The following SYNJ2BP variants were observed in gnomAD, a reference collection of about 807,000 sequenced individuals.
SYNJ2BP encodes synaptojanin-2-binding protein.
In SYNJ2BP, 10 loss-of-function variants were observed where a neutral mutation model predicts 16.9. The ratio of observed to expected loss-of-function variants is 0.59; its 90% CI spans 0.36 to 1.00. The LOEUF (loss-of-function observed/expected upper bound fraction) is 1.00. Among genes scored for constraint, SYNJ2BP ranks in the 50% least tolerant of loss-of-function variants. SYNJ2BP has a pLI of 0.01. For missense variants in SYNJ2BP, 162 were observed against 186.7 expected (o/e 0.87, Z 0.77); for synonymous variants, 54 against 68.4 (o/e 0.79, Z 1.04).
chr14:70,404,408 GT>G (rs1410988331), intron 1 of SYNJ2BP, among the ~76,000 whole-genome samples: 2 of 152,074 alleles, frequency 1.3e-5, no homozygotes, highest in Non-Finnish European at 2.9e-5. Context: ...GTATAAGCAA[GT>G]TTTTCATAAT....
At chr14:70,389,760 A>G (rs1026704122) in intron 1 of SYNJ2BP, among the ~76,000 whole-genome samples, 8 of 152,232 alleles carry the variant, frequency 5.3e-5, no homozygotes, top group African/African-American at 1.4e-4. Flanking sequence ...GGGCTACTCA[A>G]TCTATACTTG....
chr14:70,408,386 ATCGGAC>A (rs1888395133), intron 1 of SYNJ2BP, among the ~76,000 whole-genome samples: 1 of 152,086 alleles, frequency 6.6e-6, no homozygotes, highest in Middle Eastern at 3.2e-3. Context: ...TAAAACAAAA[ATCGGAC>A]AGGCGTGGTG....
At chr14:70,413,893 G>A (rs985388495) in intron 1 of SYNJ2BP, among the ~76,000 whole-genome samples, 1 of 152,180 alleles carries the variant, frequency 6.6e-6, no homozygotes, top group Non-Finnish European at 1.5e-5. Flanking sequence ...TTAAACATCA[G>A]GTTCCTGAGT....
intron 2 of SYNJ2BP, among the ~76,000 whole-genome samples, chr14:70,382,730 A>C (rs919590488): frequency 1.3e-5 from 2 of 152,172 alleles, no homozygotes; most frequent in African/African-American, 4.8e-5. Context: ...AATTTCGCTG[A>C]CTCTGAAGTT....
intron 2 of SYNJ2BP, among the ~76,000 whole-genome samples, chr14:70,388,006 G>A (rs1222693304): frequency 9.2e-5 from 14 of 152,102 alleles, no homozygotes; most frequent in African/African-American, 3.1e-4. Flanking sequence ...AATAATGGGT[G>A]AAAAAGGGCT....
chr14:70,372,014 T>A lies in SYNJ2BP; in HGVS notation c.*977A>T, dbSNP rs1021419343. 6.6e-6 allele frequency: 1 copy of A among 152,176 alleles called. No homozygotes were observed. 9.4% of individuals were successfully genotyped at this position (152,176 alleles called of 1,614,324 possible). A position where few individuals can be genotyped will look rare whatever the true frequency, so the allele number is the denominator to read the frequency against. On this transcript the variant is annotated 3_prime_UTR_variant, in exon 4 of 4. Coordinates refer to ENST00000256366, the MANE Select transcript of SYNJ2BP (RefSeq NM_018373.3). ...TACGATTTACCTTTACACCTCAAAG[T>A]TTTTTAGATGTGAGCAGCGCTGGAT...
chr14:70,394,891 G>A (rs533020080), intron 1 of SYNJ2BP, among the ~76,000 whole-genome samples: 5 of 152,302 alleles, frequency 3.3e-5, no homozygotes, highest in African/African-American at 1.2e-4. Flanking sequence ...GACAGGTTAA[G>A]CAACTTTACA....
intron 1 of SYNJ2BP, among the ~76,000 whole-genome samples, chr14:70,416,455 A>C (rs1485675548): frequency 6.6e-6 from 1 of 152,078 alleles, no homozygotes. Context: ...CCCAGAAATC[A>C]AAGGAGCGAG....
rs917588174 is a variant in SYNJ2BP, at chr14:70,371,284, G to A, written c.*1707C>T. The A allele has an allele frequency of 2.1e-4, 32 of 152,086 alleles. No homozygotes were observed. Among genetic ancestry groups the A allele is most frequent in the Admixed American group, 8.5e-4 (13 of 15,254 alleles). The allele number at this position is 152,086 out of a possible 1,614,324, so 9.4% of individuals were successfully genotyped here. ...CCATTCATTCATATCCTCCTCCTAGGCCGCATGAAACACCTACCACATTTC... is the reference window on the plus strand; with the variant it reads ...CCATTCATTCATATCCTCCTCCTAGACCGCATGAAACACCTACCACATTTC... On this transcript the variant is annotated 3_prime_UTR_variant, in exon 4 of 4. Transcript: ENST00000256366.
At chr14:70,410,783 A>G (rs1256638830) in intron 1 of SYNJ2BP, among the ~76,000 whole-genome samples, 1 of 152,206 alleles carries the variant, frequency 6.6e-6, no homozygotes, top group Non-Finnish European at 1.5e-5. Context: ...CAAATACCAC[A>G]TGTTCTCACT....
chr14:70,375,854 TAAC>T, intron 2 of SYNJ2BP, 83 bp from the exon 3 acceptor site: 1 of 1,558,850 alleles, frequency 6.4e-7, no homozygotes, highest in Non-Finnish European at 8.7e-7. Context: ...AAACTTTAAA[TAAC>T]AAACTCCTTC....
chr14:70,402,056 C>T (rs1251871966), intron 1 of SYNJ2BP, among the ~76,000 whole-genome samples: 3 of 152,144 alleles, frequency 2.0e-5, no homozygotes, highest in Non-Finnish European at 2.9e-5. Flanking sequence ...CCTCAAGGAA[C>T]GCTGAAAAAA....
intron 1 of SYNJ2BP, among the ~76,000 whole-genome samples, chr14:70,395,049 A>G (rs976997333): frequency 1.3e-5 from 2 of 152,342 alleles, no homozygotes; most frequent in East Asian, 3.9e-4. Context: ...ATTGCTGGCT[A>G]TCTTAGGAGC....
At chr14:70,398,198 A>T (rs1349913608) in intron 1 of SYNJ2BP, among the ~76,000 whole-genome samples, 2 of 152,096 alleles carry the variant, frequency 1.3e-5, no homozygotes, top group East Asian at 1.9e-4. Flanking sequence ...GTGTATGCCG[A>T]CTGGTCCATG....
Position 70,417,048 on chromosome 14 carries a change from A to C in SYNJ2BP, c.-85T>G. The C allele has an allele frequency of 1.2e-6, 2 of 1,601,090 alleles. No individual in the cohort carries two copies. The highest frequency in any genetic ancestry group is 1.1e-5 in the South Asian group (1 of 89,700). On this transcript the variant is annotated 5_prime_UTR_variant, in exon 1 of 4. Transcript: ENST00000256366. ...GAATCAATCTCGGCGCTGCGCCCAC[A>C]GCACAGCGGTTTCGGTTTCAGCAGC...
intron 1 of SYNJ2BP, among the ~76,000 whole-genome samples, chr14:70,392,685 T>G (rs1888005133): frequency 6.6e-6 from 1 of 152,214 alleles, no homozygotes; most frequent in South Asian, 2.1e-4. Context: ...TCCACCCATC[T>G]ATAAACAGGA....
chr14:70,397,620 T>G (rs1888129787), intron 1 of SYNJ2BP, among the ~76,000 whole-genome samples: 1 of 152,188 alleles, frequency 6.6e-6, no homozygotes, highest in Admixed American at 6.5e-5. Context: ...GGGAACACGA[T>G]GGCATCTGGA....
At chr14:70,382,405 T>C (rs1887771985) in intron 2 of SYNJ2BP, among the ~76,000 whole-genome samples, 3 of 152,206 alleles carry the variant, frequency 2.0e-5, no homozygotes, top group Admixed American at 2.0e-4. Flanking sequence ...TCATTCCTGT[T>C]ATAGGTTATA....
intron 1 of SYNJ2BP, among the ~76,000 whole-genome samples, chr14:70,392,463 GGTAA>G (rs1439142779): frequency 6.6e-6 from 1 of 152,010 alleles, no homozygotes; most frequent in East Asian, 1.9e-4. Context: ...TACATCAATG[GGTAA>G]GTGTTAGGGG....
Sources: allele counts gnomAD v4.1 joint callset (sites outside exome capture counted in the v4.1 genomes callset), GRCh38; gene constraint gnomAD v4.1.1; transcripts MANE v1.5; gene names NCBI Gene and HGNC (gene_info 2026-07-23, HGNC 2026-07-21).